Variants in ARPC1A observed in about 807,000 individuals in gnomAD.
ARPC1A encodes the protein actin related protein 2/3 complex subunit 1A.
A neutral mutation model predicts 46.9 loss-of-function variants in ARPC1A; 8 were observed. The observed-to-expected ratio is 0.17, with a 90% CI of 0.10 to 0.31. ARPC1A has a LOEUF of 0.31. ARPC1A is among the 10% of genes least tolerant of loss of function. The pLI is 1.00. For synonymous variants in ARPC1A, 152 were observed against 169.0 expected, an observed-to-expected ratio of 0.90 and a Z score of 0.78; for missense variants, 286 against 483.6, an observed-to-expected ratio of 0.59 and a Z score of 3.83.
At chr7:99,326,114 G>A (rs1418026912) in intron 1 of ARPC1A, 110 bp downstream of exon 1, 1 of 152,212 alleles carries the variant, frequency 6.6e-6, no homozygotes, top group Non-Finnish European at 1.5e-5. Context: ...GCGGGGCCCC[G>A]AGGCTGAGGC....
At chr7:99,364,127 G>A (rs916550868) in intron 9 of ARPC1A, among the ~76,000 whole-genome samples, 1 of 151,470 alleles carries the variant, frequency 6.6e-6, no homozygotes, top group South Asian at 2.1e-4. Flanking sequence ...GCTATGTTTT[G>A]TATTTTTAGT....
chr7:99,357,530 A>G lies in ARPC1A; in HGVS notation c.714-810A>G, dbSNP rs542623443. On this transcript the variant is annotated intron_variant, in intron 6 of 9. Transcript: ENST00000262942. The stretch of plus-strand genomic sequence containing the variant: ...TTTTTCGTAGAGACTGGGTCTCACT[A>G]TGTTGTCCAGGCTGATCTCAAACTC... Among the ~76,000 whole-genome samples, 6 of 149,856 alleles carry G rather than the reference A, an allele frequency of 4.0e-5. 1 individual carries two copies. In the South Asian group the frequency reaches 8.5e-4, roughly 21 times the overall value.
chr7:99,340,880 C>T (rs1444415773), intron 3 of ARPC1A, among the ~76,000 whole-genome samples: 6 of 152,184 alleles, frequency 3.9e-5, no homozygotes. Context: ...ATTTCCAAAG[C>T]AGCACCAAAG....
intron 9 of ARPC1A, among the ~76,000 whole-genome samples, chr7:99,363,931 G>T (rs1187118739): frequency 6.6e-6 from 1 of 152,062 alleles, no homozygotes; most frequent in Non-Finnish European, 1.5e-5. Flanking sequence ...CCTAATGTAA[G>T]ACATTAAACT....
At chr7:99,335,087 G>A (rs1478234069) in intron 2 of ARPC1A, among the ~76,000 whole-genome samples, 1 of 152,052 alleles carries the variant, frequency 6.6e-6, no homozygotes, top group African/African-American at 2.4e-5. Flanking sequence ...CTCGTGATCT[G>A]CCCGCCTTGG....
chr7:99,346,807 A>G (rs933332151), intron 4 of ARPC1A, among the ~76,000 whole-genome samples: 2 of 152,096 alleles, frequency 1.3e-5, no homozygotes, highest in African/African-American at 4.8e-5. Context: ...GAGAAACCCC[A>G]TCTCTACTAA....
Position 99,359,718 on chromosome 7 carries a change from G to T in ARPC1A, c.963G>T (p.Thr321=), listed in dbSNP as rs373720602. 5 of 1,614,018 alleles carry T rather than the reference G, an allele frequency of 3.1e-6. No homozygotes were observed. The African/African-American group carries it at 6.7e-5, about 22-fold the overall frequency. ...AGGACCGCAACACGGCCTTGGAGACGCTGCACCAGAATAGCATCACGTAGG... is the reference window on the plus strand; with the variant it reads ...AGGACCGCAACACGGCCTTGGAGACTCTGCACCAGAATAGCATCACGTAGG... ...TTEDRNTALE[T]LHQNSITQVS... is the part of the protein sequence containing the mutation. The change falls in exon 8 of 10, where the codon ACG becomes ACT. Residue 321 remains threonine (T), a synonymous_variant. Coordinates refer to ENST00000262942, the MANE Select transcript of ARPC1A (RefSeq NM_006409.4).
At chr7:99,343,939 C>G (rs1403206392) in intron 3 of ARPC1A, among the ~76,000 whole-genome samples, 1 of 151,804 alleles carries the variant, frequency 6.6e-6, no homozygotes, top group African/African-American at 2.4e-5. Flanking sequence ...TTCACACACA[C>G]AAAAATCTAA....
intron 1 of ARPC1A, among the ~76,000 whole-genome samples, chr7:99,327,072 C>G (rs562314431): frequency 1.3e-5 from 2 of 152,308 alleles, no homozygotes; most frequent in African/African-American, 4.8e-5. Context: ...TCAATTTTAT[C>G]TAGTCTTGTG....
At chr7:99,348,664 C>A (rs1793502310) in intron 4 of ARPC1A, among the ~76,000 whole-genome samples, 188 bp from the exon 5 acceptor site, 1 of 152,086 alleles carries the variant, frequency 6.6e-6, no homozygotes, top group Non-Finnish European at 1.5e-5. Flanking sequence ...TCTATAGAAT[C>A]TTTTTTTATA....
chr7:99,337,281 C>T (rs1004215435), intron 2 of ARPC1A, among the ~76,000 whole-genome samples: 2 of 152,094 alleles, frequency 1.3e-5, no homozygotes, highest in Non-Finnish European at 1.5e-5. Context: ...ATTAGCTGGG[C>T]GTGGTGGCGC....
intron 3 of ARPC1A, among the ~76,000 whole-genome samples, chr7:99,340,217 G>C (rs150394533): frequency 6.6e-6 from 1 of 152,028 alleles, no homozygotes; most frequent in East Asian, 1.9e-4. Flanking sequence ...GGCTGAAATG[G>C]AGTGGTACAG....
intron 4 of ARPC1A, 112 bp from the exon 5 acceptor site, chr7:99,348,740 T>A (rs1793503331): frequency 6.6e-6 from 4 of 604,820 alleles, no homozygotes; most frequent in South Asian, 7.3e-5. Flanking sequence ...AATTTTTTTT[T>A]AAATTAAGGA....
At chr7:99,339,920 C>T in intron 3 of ARPC1A, 1 of 452,124 alleles carries the variant, frequency 2.2e-6, no homozygotes, top group East Asian at 7.0e-5. Context: ...TCCCACCTGT[C>T]CTGTATGAGA....
At chr7:99,347,572 G>T (rs188644512) in intron 4 of ARPC1A, among the ~76,000 whole-genome samples, 1 of 152,110 alleles carries the variant, frequency 6.6e-6, no homozygotes. Context: ...GGGCGTGGTG[G>T]CGTGAGCCTA....
At chr7:99,357,418 T>C (rs1289596995) in intron 6 of ARPC1A, among the ~76,000 whole-genome samples, 1 of 151,940 alleles carries the variant, frequency 6.6e-6, no homozygotes, top group Admixed American at 6.6e-5. Flanking sequence ...ACTCCTGAGC[T>C]CAAGTTCTCC....
chr7:99,349,935 G>C (rs375676761), intron 5 of ARPC1A, among the ~76,000 whole-genome samples: 1 of 151,094 alleles, frequency 6.6e-6, no homozygotes, highest in Admixed American at 6.6e-5. Context: ...CATTTGAACC[G>C]GGGAGGTGGA....
At chr7:99,359,393 G>A (rs1033399130) in intron 7 of ARPC1A, 152 bp from the exon 8 acceptor site, 21 of 729,024 alleles carry the variant, frequency 2.9e-5, no homozygotes, top group Non-Finnish European at 4.2e-5. Context: ...CTGAGATTGT[G>A]CCACTGCACT....
chr7:99,349,059 TG>T, intron 5 of ARPC1A, 100 bp downstream of exon 5: 1 of 1,263,996 alleles, frequency 7.9e-7, no homozygotes, highest in Non-Finnish European at 1.1e-6. Flanking sequence ...TTGTTGTGGT[TG>T]TTGTTGTTTT....
Sources: gnomAD v4.1 joint callset for allele counts (sites outside exome capture counted in the v4.1 genomes callset) on GRCh38, gnomAD v4.1.1 for gene constraint, MANE v1.5 for transcripts, NCBI Gene and HGNC (gene_info 2026-07-23, HGNC 2026-07-21) for gene names.